Variants in IGF2BP3 observed in about 807,000 individuals in gnomAD.
IGF2BP3 encodes insulin like growth factor 2 mRNA binding protein 3, also known as insulin-like growth factor 2 mRNA-binding protein 3.
Under a neutral mutation model 73.8 loss-of-function variants are expected in IGF2BP3, and 9 were observed. The observed-to-expected ratio is 0.12, with a 90% CI of 0.07 to 0.21. The LOEUF is 0.21. IGF2BP3 is among the 10% of genes least tolerant of loss of function. The pLI is 1.00. For missense variants in IGF2BP3, 542 were observed against 714.0 expected, an observed-to-expected ratio of 0.76 and a Z score of 2.75; for synonymous variants, 258 against 256.7, an observed-to-expected ratio of 1.01 and a Z score of -0.05.
At chr7:23,316,302 T>G (rs780582385) in intron 12 of IGF2BP3, among the ~76,000 whole-genome samples, 12 of 152,170 alleles carry the variant, frequency 7.9e-5, no homozygotes, top group Non-Finnish European at 1.3e-4. Flanking sequence ...AGTGATTTTT[T>G]TTGTTTGATT....
At chr7:23,431,625 G>A (rs1045758293) in intron 2 of IGF2BP3, among the ~76,000 whole-genome samples, 1 of 151,046 alleles carries the variant, frequency 6.6e-6, no homozygotes, top group Non-Finnish European at 1.5e-5. Flanking sequence ...AACTGAACAG[G>A]AGGAAGGAAG....
chr7:23,459,667 C>G (rs1299132391), intron 2 of IGF2BP3, among the ~76,000 whole-genome samples: 1 of 151,852 alleles, frequency 6.6e-6, no homozygotes, highest in Non-Finnish European at 1.5e-5. Context: ...CCCATCTCTA[C>G]TAAAAATACA....
chr7:23,455,309 T>A (rs769839670), intron 2 of IGF2BP3, among the ~76,000 whole-genome samples: 1 of 152,144 alleles, frequency 6.6e-6, no homozygotes, highest in Non-Finnish European at 1.5e-5. Context: ...CTCAAACAGC[T>A]TGTAGTTCCC....
chr7:23,418,759 A>T lies in IGF2BP3; in HGVS notation c.285+17T>A. ...CTTCCATACTTAGATCTTAATTTTAAATACAGAAATTCTTACCTCCCACTG... is the reference window on the plus strand; with the variant it reads ...CTTCCATACTTAGATCTTAATTTTATATACAGAAATTCTTACCTCCCACTG... On this transcript the variant is annotated intron_variant, in intron 3 of 14. Coordinates refer to ENST00000258729, the MANE Select transcript of IGF2BP3 (RefSeq NM_006547.3). 6.5e-7 allele frequency: 1 copy of T among 1,532,564 alleles called. No homozygotes were observed. Among genetic ancestry groups the T allele is most frequent in the Admixed American group, 1.8e-5 (1 of 56,658 alleles). 94.9% of individuals were successfully genotyped at this position (1,532,564 alleles called of 1,614,324 possible).
intron 2 of IGF2BP3, among the ~76,000 whole-genome samples, chr7:23,435,113 T>C (rs1183198173): frequency 1.3e-5 from 2 of 151,604 alleles, no homozygotes; most frequent in African/African-American, 4.8e-5. Context: ...GCTAACATGG[T>C]GAAACCCCAT....
rs372478561 is a variant in IGF2BP3 at position 23,403,113 on chromosome 7, A to G, written c.285+15663T>C. 9.2e-5 allele frequency among the ~76,000 whole-genome samples: 14 copies of G among 152,334 alleles called. No individual in the cohort carries two copies. The East Asian group carries it at 2.1e-3, about 23-fold the overall frequency. On this transcript the variant is annotated intron_variant, in intron 3 of 14. Transcript: ENST00000258729. ...TTATCTGACCCTATAACCTGACAAAATATTTATTGCTCAGTTTTCATATAT... is the reference window on the plus strand; with the variant it reads ...TTATCTGACCCTATAACCTGACAAAGTATTTATTGCTCAGTTTTCATATAT...
chr7:23,330,905 C>T (rs1784427854), intron 10 of IGF2BP3, among the ~76,000 whole-genome samples: 1 of 152,204 alleles, frequency 6.6e-6, no homozygotes, highest in Non-Finnish European at 1.5e-5. Flanking sequence ...TCAAGCTATT[C>T]TCCTGCCTCA....
At chr7:23,385,742 T>A (rs1412213490) in intron 3 of IGF2BP3, among the ~76,000 whole-genome samples, 1 of 152,050 alleles carries the variant, frequency 6.6e-6, no homozygotes. Context: ...TATTATTTTT[T>A]TTTTTAGAAA....
At chr7:23,452,819 G>A (rs1172661550) in intron 2 of IGF2BP3, among the ~76,000 whole-genome samples, 18 of 142,844 alleles carry the variant, frequency 1.3e-4, no homozygotes. Flanking sequence ...AAAAAAAAGT[G>A]GGGGGCGCAC....
chr7:23,366,670 G>C (rs1785381885), intron 3 of IGF2BP3, among the ~76,000 whole-genome samples: 1 of 151,868 alleles, frequency 6.6e-6, no homozygotes, highest in African/African-American at 2.4e-5. Context: ...CAACTTAGGA[G>C]ATTTTACATA....
At chr7:23,351,673 C>G in intron 5 of IGF2BP3, 87 bp from the exon 6 acceptor site, 1 of 1,400,482 alleles carries the variant, frequency 7.1e-7, no homozygotes, top group East Asian at 2.3e-5. Context: ...CTCTTCTACT[C>G]AGCATTACTA....
At chr7:23,468,605 C>G in intron 1 of IGF2BP3, 63 bp from the exon 2 acceptor site, 2 of 1,540,530 alleles carry the variant, frequency 1.3e-6, no homozygotes, top group Non-Finnish European at 1.8e-6. Flanking sequence ...CCCGAAGACC[C>G]GCACAGCCCA....
chr7:23,392,786 C>G (rs1451732480), intron 3 of IGF2BP3, among the ~76,000 whole-genome samples: 5 of 152,058 alleles, frequency 3.3e-5, no homozygotes, highest in African/African-American at 1.2e-4. Context: ...TGGGCCACCA[C>G]GCCTGGCAAA....
intron 2 of IGF2BP3, among the ~76,000 whole-genome samples, chr7:23,421,198 C>T (rs1397625915): frequency 5.3e-5 from 8 of 151,912 alleles, no homozygotes; most frequent in Admixed American, 1.3e-4. Flanking sequence ...TTAGTAGAGA[C>T]GGGGTTTCAC....
chr7:23,374,800 C>T (rs917484151), intron 3 of IGF2BP3, among the ~76,000 whole-genome samples: 3 of 151,992 alleles, frequency 2.0e-5, no homozygotes, highest in African/African-American at 4.8e-5. Context: ...AAGTGTCGGC[C>T]GGTCTGAGAA....
intron 3 of IGF2BP3, among the ~76,000 whole-genome samples, chr7:23,377,638 A>T (rs1785770334): frequency 6.6e-6 from 1 of 152,230 alleles, no homozygotes; most frequent in Non-Finnish European, 1.5e-5. Flanking sequence ...AGAACTGAAA[A>T]TCTATGTTTA....
At chr7:23,401,242 C>T (rs1222857654) in intron 3 of IGF2BP3, among the ~76,000 whole-genome samples, 1 of 152,168 alleles carries the variant, frequency 6.6e-6, no homozygotes, top group Non-Finnish European at 1.5e-5. Flanking sequence ...GACCCCTTCC[C>T]AGCAGTACTT....
chr7:23,342,002 G>A (rs940717261), intron 10 of IGF2BP3, 62 bp downstream of exon 10: 2 of 1,464,850 alleles, frequency 1.4e-6, no homozygotes, highest in Non-Finnish European at 9.0e-7. Flanking sequence ...TGATCACGCG[G>A]GGACTAGGTT....
intron 2 of IGF2BP3, among the ~76,000 whole-genome samples, chr7:23,458,511 A>G (rs1291799350): frequency 6.6e-6 from 1 of 152,140 alleles, no homozygotes; most frequent in Non-Finnish European, 1.5e-5. Flanking sequence ...AGATACCTCT[A>G]CCTCTTGCAA....
Sources: gnomAD v4.1 joint callset for allele counts (sites outside exome capture counted in the v4.1 genomes callset) on GRCh38, gnomAD v4.1.1 for gene constraint, MANE v1.5 for transcripts, NCBI Gene and HGNC (gene_info 2026-07-23, HGNC 2026-07-21) for gene names.